Variants in INVS observed in about 807,000 individuals in gnomAD.
INVS encodes inversion of embryo turning homolog.
Under a neutral mutation model 108.8 loss-of-function variants are expected in INVS, and 86 were observed. That is an observed-to-expected ratio of 0.79 (90% CI 0.66 to 0.95). The LOEUF is 0.95. INVS is among the 40% of genes least tolerant of loss of function. INVS has a pLI of 0.00. For synonymous variants in INVS, 455 were observed against 473.5 expected (o/e 0.96, Z 0.51); for missense variants, 1,169 against 1,297.4 (o/e 0.90, Z 1.52).
intron 5 of INVS, among the ~76,000 whole-genome samples, chr9:100,238,838 A>T (rs952372560): frequency 1.3e-5 from 2 of 152,216 alleles, no homozygotes; most frequent in African/African-American, 4.8e-5. Context: ...TGCTATAAAG[A>T]TCCAGTAGAA....
chr9:100,124,177 AGTGTGTGTGTGTGTGT>A (rs3052021), intron 2 of INVS, among the ~76,000 whole-genome samples: 3 of 144,114 alleles, frequency 2.1e-5, no homozygotes, highest in Non-Finnish European at 4.6e-5. Flanking sequence ...TTTGTTTCTG[AGTGTGTGTGTGTGTGT>A]GTGTGTGTGT....
At chr9:100,285,192 A>G (rs2118728775) in intron 13 of INVS, among the ~76,000 whole-genome samples, 1 of 152,330 alleles carries the variant, frequency 6.6e-6, no homozygotes, top group Non-Finnish European at 1.5e-5. Flanking sequence ...TAAGCCAGAT[A>G]TAGAATTCAG....
chr9:100,205,409 A>T (rs757922091), intron 3 of INVS, among the ~76,000 whole-genome samples: 7 of 152,128 alleles, frequency 4.6e-5, no homozygotes. Context: ...TGTATTTGAA[A>T]AATAAATTCA....
intron 13 of INVS, among the ~76,000 whole-genome samples, chr9:100,288,304 A>G (rs1265546741): frequency 1.3e-5 from 2 of 152,066 alleles, no homozygotes; most frequent in Non-Finnish European, 2.9e-5. Flanking sequence ...TTCTCAGCCT[A>G]TCTCCTGACT....
At chr9:100,112,450 A>C (rs1827368660) in intron 2 of INVS, among the ~76,000 whole-genome samples, 1 of 152,170 alleles carries the variant, frequency 6.6e-6, no homozygotes, top group Admixed American at 6.5e-5. Flanking sequence ...CCTGTATCTT[A>C]TATAAGACTT....
intron 3 of INVS, among the ~76,000 whole-genome samples, chr9:100,192,906 T>C (rs1830264988): frequency 6.6e-6 from 1 of 152,254 alleles, no homozygotes; most frequent in Admixed American, 6.5e-5. Context: ...TATTTTTAGA[T>C]GCTACTACAA....
At chr9:100,124,670 T>C (rs1827830936) in intron 2 of INVS, among the ~76,000 whole-genome samples, 1 of 152,198 alleles carries the variant, frequency 6.6e-6, no homozygotes, top group Non-Finnish European at 1.5e-5. Context: ...TAGTTGGTTG[T>C]TGGAGCACTT....
At position 100,177,640 on chromosome 9, in the gene INVS, A is replaced by T. The variant is rs536796414; in HGVS notation, c.274-48422A>T. On this transcript the variant is annotated intron_variant, in intron 3 of 16. Coordinates refer to ENST00000262457, the MANE Select transcript of INVS (RefSeq NM_014425.5). ...AGAAGCCCCAGTCAGGGGCTTATAG[A>T]TAAAACTCCCATCTGCCTGGGACAG... 1.5e-3 allele frequency among the ~76,000 whole-genome samples: 222 copies of T among 152,346 alleles called. 1 individual carries two copies. Among genetic ancestry groups the T allele is most frequent in the African/African-American group, 5.2e-3 (215 of 41,586 alleles).
chr9:100,290,600 C>T (rs1341099026), intron 13 of INVS, among the ~76,000 whole-genome samples: 1 of 152,240 alleles, frequency 6.6e-6, no homozygotes, highest in Non-Finnish European at 1.5e-5. Context: ...GATCTGCCCA[C>T]CTCGGCCTCC....
intron 3 of INVS, among the ~76,000 whole-genome samples, chr9:100,136,336 T>G (rs1410109693): frequency 6.6e-6 from 1 of 152,206 alleles, no homozygotes; most frequent in Non-Finnish European, 1.5e-5. Flanking sequence ...TCACCCACTT[T>G]CAATAAATAT....
At chr9:100,127,651 A>G (rs746967024) in intron 3 of INVS, among the ~76,000 whole-genome samples, 1 of 152,192 alleles carries the variant, frequency 6.6e-6, no homozygotes, top group Non-Finnish European at 1.5e-5. Flanking sequence ...TTAGAAAAAT[A>G]CCTTTCATTA....
At chr9:100,284,768 C>CT (rs1410641418) in intron 13 of INVS, among the ~76,000 whole-genome samples, 165 bp downstream of exon 13, 2 of 152,032 alleles carry the variant, frequency 1.3e-5, no homozygotes, top group East Asian at 1.9e-4. Flanking sequence ...AGTTCTTTTT[C>CT]TTTTTTTTCC....
chr9:100,224,552 G>A (rs1025789631), intron 3 of INVS, among the ~76,000 whole-genome samples: 9 of 152,166 alleles, frequency 5.9e-5, no homozygotes, highest in Admixed American at 2.0e-4. Context: ...ATGTTACACA[G>A]ACTTACTATG....
intron 3 of INVS, among the ~76,000 whole-genome samples, chr9:100,213,594 C>T (rs768004360): frequency 6.6e-6 from 1 of 152,158 alleles, no homozygotes; most frequent in Non-Finnish European, 1.5e-5. Context: ...AGAAGTTAGT[C>T]TGTTACTGTT....
chr9:100,264,739 A>C lies in INVS; in HGVS notation c.1465-83A>C, dbSNP rs900484627. On this transcript the variant is annotated intron_variant, in intron 10 of 16. Transcript: ENST00000262457. ...AAGCAATTTGGAAAAATGATTGCTT[A>C]TATTAATTTTGAATTAGCATAAATA... 29 of 923,010 alleles carry C rather than the reference A, an allele frequency of 3.1e-5. No individual in the cohort carries two copies. In the African/African-American group the frequency reaches 4.3e-4, roughly 14 times the overall value. The allele number at this position is 923,010 out of a possible 1,614,324, so 57.2% of individuals were successfully genotyped here. A position where few individuals can be genotyped will look rare whatever the true frequency, so the allele number is the denominator to read the frequency against.
intron 3 of INVS, among the ~76,000 whole-genome samples, chr9:100,150,086 A>C (rs1828759690): frequency 6.6e-6 from 1 of 152,168 alleles, no homozygotes; most frequent in Non-Finnish European, 1.5e-5. Flanking sequence ...CCTCCAAAGA[A>C]GTACTGAAGG....
intron 3 of INVS, among the ~76,000 whole-genome samples, chr9:100,131,366 C>T (rs1017012653): frequency 1.3e-5 from 2 of 152,066 alleles, no homozygotes; most frequent in Admixed American, 6.5e-5. Context: ...AACTGTGCTG[C>T]TTGGCTTAGT....
At chr9:100,219,470 G>A (rs147375528) in intron 3 of INVS, among the ~76,000 whole-genome samples, 87 of 152,210 alleles carry the variant, frequency 5.7e-4, no homozygotes, top group African/African-American at 1.9e-3. Context: ...AACTGTAACC[G>A]TCAGATTGGC....
At chr9:100,199,124 T>C (rs1830467169) in intron 3 of INVS, among the ~76,000 whole-genome samples, 1 of 152,220 alleles carries the variant, frequency 6.6e-6, no homozygotes, top group Non-Finnish European at 1.5e-5. Context: ...GTAAATATTT[T>C]GAGGGACAGT....
Sources: gnomAD v4.1 joint callset for allele counts (sites outside exome capture counted in the v4.1 genomes callset) on GRCh38, gnomAD v4.1.1 for gene constraint, MANE v1.5 for transcripts, NCBI Gene and HGNC (gene_info 2026-07-23, HGNC 2026-07-21) for gene names.